The following TRIM66 variants were observed in gnomAD, a reference collection of about 807,000 sequenced individuals.
TRIM66 encodes the protein tripartite motif containing 66.
TRIM66 carries 99 observed loss-of-function variants against 148.2 expected under a neutral mutation model. That is an observed-to-expected ratio of 0.67 (90% CI 0.57 to 0.79). The LOEUF is 0.79. Ranked by LOEUF, TRIM66 falls within the 30% of genes least tolerant of loss-of-function variation. The probability of loss-of-function intolerance (pLI) is 0.00; values close to 1 mark genes in which losing one functional copy is unlikely to be tolerated. For synonymous variants in TRIM66, 616 were observed against 635.9 expected, an observed-to-expected ratio of 0.97 and a Z score of 0.47; for missense variants, 1,666 against 1,697.9, an observed-to-expected ratio of 0.98 and a Z score of 0.33.
At chr11:8,666,341 G>GAAAAAAA (rs558326812) in intron 6 of TRIM66, among the ~76,000 whole-genome samples, 6 of 23,554 alleles carry the variant, frequency 2.5e-4, no homozygotes, top group Non-Finnish European at 4.0e-4. Flanking sequence ...CTCCGCCTCA[G>GAAAAAAA]AAAAAAAAAA....
At position 8,666,741 on chromosome 11, in the gene TRIM66, C is replaced by T. The variant is rs1592193076; in HGVS notation, c.340+5045G>A. On this transcript the variant is annotated intron_variant, in intron 6 of 24. Transcript: ENST00000646038. Reference sequence around the variant, plus strand: ...ACTCAGATGGCCAAATATACTGACACCAAAGCTTTTGTTTTTATTCTTCAT... The same window carrying T: ...ACTCAGATGGCCAAATATACTGACATCAAAGCTTTTGTTTTTATTCTTCAT... Among the ~76,000 whole-genome samples the T allele has an allele frequency of 6.6e-5, 10 of 152,292 alleles. No homozygotes were observed. In the South Asian group the frequency reaches 2.1e-3, roughly 32 times the overall value.
chr11:8,654,499 C>G (rs556881029), intron 6 of TRIM66: 9 of 152,344 alleles, frequency 5.9e-5, no homozygotes, highest in African/African-American at 1.9e-4. Flanking sequence ...ATTAGTCCCT[C>G]TTCTGGGTTC....
chr11:8,622,734 C>T (rs1237382821), intron 18 of TRIM66, 82 bp downstream of exon 18: 7 of 1,297,656 alleles, frequency 5.4e-6, no homozygotes, highest in African/African-American at 1.5e-5. Context: ...GTAGTTAATT[C>T]ATCAAGGATG....
Position 8,640,609 on chromosome 11 carries a change from A to C in TRIM66, c.1766T>G (p.Leu589Arg), listed in dbSNP as rs1300429380. Residue 589 changes from leucine to arginine, a missense_variant, in exon 14 of 25, where the codon CTG becomes CGG. By Grantham distance (102) the Leu-to-Arg change is moderately radical (BLOSUM62 -2). Transcript: ENST00000646038. Reference sequence around the variant, plus strand: ...CTGCTGCTGAAAGTGACTGAGCTTCAGCTTCTGGTGGTGGCCAAACTGGAC... The same window carrying C: ...CTGCTGCTGAAAGTGACTGAGCTTCCGCTTCTGGTGGTGGCCAAACTGGAC... ...IQVQFGHHQK[L>R]KLSHFQQQPQ... 6.4e-7 allele frequency: 1 copy of C among 1,551,386 alleles called. No individual in the cohort carries two copies. Among genetic ancestry groups the C allele is most frequent in the South Asian group, 1.2e-5 (1 of 84,038 alleles).
Position 8,622,365 on chromosome 11 carries a change from C to CACACACACATATATATATATATATATAT in TRIM66, c.3080+450_3080+451insATATATATATATATATATATGTGTGTGT. ...ACACACACACACACACACACACACA[C>CACACACACATATATATATATATATATAT]ATATATATATATATATATCTCCTAC... is the stretch of plus-strand genomic sequence containing the variant. On this transcript the variant is annotated intron_variant, in intron 18 of 24. Transcript: ENST00000646038. 3.1e-3 allele frequency among the ~76,000 whole-genome samples: 185 copies of CACACACACATATATATATATATATATAT among 59,490 alleles called. 1 individual carries two copies. Among genetic ancestry groups the CACACACACATATATATATATATATATAT allele is most frequent in the East Asian group, 6.0e-3 (17 of 2,812 alleles). The allele number at this position is 59,490 out of a possible 152,430, so 39.0% of individuals were successfully genotyped here.
intron 15 of TRIM66, among the ~76,000 whole-genome samples, chr11:8,632,078 C>T (rs958847070): frequency 4.6e-5 from 7 of 152,042 alleles, no homozygotes; most frequent in Admixed American, 2.0e-4. Flanking sequence ...GTGAATGCGC[C>T]GGGCATATCA....
intron 13 of TRIM66, among the ~76,000 whole-genome samples, chr11:8,642,443 C>T (rs1329310268): frequency 1.3e-5 from 2 of 152,194 alleles, no homozygotes; most frequent in Non-Finnish European, 2.9e-5. Context: ...TCAACACAGG[C>T]ACAACTTCAA....
rs1592097551 is a variant in TRIM66, at chr11:8,640,566, T to C, written c.1809A>G (p.Pro603=). ...HFQQQPQQQL[P]PPPPPLPHPP... Reference sequence around the variant, plus strand: ...GATGGGGGAGGGGTGGTGGTGGAGGTGGTAGCTGCTGCTGTGGCTGCTGCT... The same window carrying C: ...GATGGGGGAGGGGTGGTGGTGGAGGCGGTAGCTGCTGCTGTGGCTGCTGCT... The change falls in exon 14 of 25, where the codon CCA becomes CCG. Residue 603 remains proline (P), a synonymous_variant. Transcript: ENST00000646038. 1 of 1,544,404 alleles carries C rather than the reference T, an allele frequency of 6.5e-7. No individual in the cohort carries two copies. The highest frequency in any genetic ancestry group is 1.4e-5 in the African/African-American group (1 of 71,446).
At chr11:8,646,262 G>A (rs970355426) in intron 11 of TRIM66, among the ~76,000 whole-genome samples, 185 bp downstream of exon 11, 1 of 152,288 alleles carries the variant, frequency 6.6e-6, no homozygotes, top group African/African-American at 2.4e-5. Flanking sequence ...AGTTTGAACT[G>A]ATTTTCTAGC....
chr11:8,644,904 T>C (rs535039676), intron 12 of TRIM66, among the ~76,000 whole-genome samples: 1 of 152,338 alleles, frequency 6.6e-6, no homozygotes, highest in East Asian at 1.9e-4. Flanking sequence ...CCATGCAGCA[T>C]TGTCAAATGG....
intron 15 of TRIM66, among the ~76,000 whole-genome samples, chr11:8,633,539 G>C (rs2035608974): frequency 6.6e-6 from 1 of 152,138 alleles, no homozygotes; most frequent in African/African-American, 2.4e-5. Context: ...GGAGTGTTTG[G>C]CCTGACTCTT....
intron 12 of TRIM66, chr11:8,644,425 ACCT>A (rs1378384717): frequency 2.2e-6 from 1 of 452,566 alleles, no homozygotes; most frequent in Admixed American, 2.4e-5. Context: ...TCTTATTATC[ACCT>A]CCTATTTCAC....
chr11:8,613,709 T>C lies in TRIM66; in HGVS notation c.*4235A>G, dbSNP rs377398539. On this transcript the variant is annotated 3_prime_UTR_variant, in exon 25 of 25. Coordinates refer to ENST00000646038, the MANE Select transcript of TRIM66 (RefSeq NM_001388022.1). ...AGGACATACAACAGGATTCAAGATA[T>C]AGAGAATTAAATAGGAGCAAGAATG... The C allele has an allele frequency of 2.0e-5, 3 of 151,892 alleles. No individual in the cohort carries two copies. The highest frequency in any genetic ancestry group is 1.9e-4 in the East Asian group (1 of 5,148). The allele number at this position is 151,892 out of a possible 1,614,324, so 9.4% of individuals were successfully genotyped here. A position where few individuals can be genotyped will look rare whatever the true frequency, so the allele number is the denominator to read the frequency against.
intron 22 of TRIM66, 27 bp downstream of exon 22, chr11:8,620,023 G>A (rs1375482434): frequency 3.9e-6 from 6 of 1,546,184 alleles, no homozygotes; most frequent in Non-Finnish European, 3.5e-6. Flanking sequence ...CAAGGAGAAG[G>A]TGAGAGAACA....
intron 15 of TRIM66, among the ~76,000 whole-genome samples, chr11:8,628,537 C>A (rs968101253): frequency 6.8e-6 from 1 of 146,080 alleles, no homozygotes; most frequent in African/African-American, 2.5e-5. Context: ...TGCTTGAGCC[C>A]GGAAGGTTGA....
chr11:8,621,415 A>C (rs2034202128), intron 19 of TRIM66, 94 bp from the exon 20 acceptor site: 1 of 1,435,508 alleles, frequency 7.0e-7, no homozygotes, highest in African/African-American at 1.4e-5. Context: ...GCATGCCTAC[A>C]TGAGAGCCAC....
At chr11:8,631,541 A>T (rs1412955044) in intron 15 of TRIM66, among the ~76,000 whole-genome samples, 1 of 152,208 alleles carries the variant, frequency 6.6e-6, no homozygotes, top group Non-Finnish European at 1.5e-5. Context: ...ATTTGGATGA[A>T]CCAATAAGTA....
chr11:8,622,406 A>G (rs995392102), intron 18 of TRIM66, among the ~76,000 whole-genome samples: 1 of 137,494 alleles, frequency 7.3e-6, no homozygotes, highest in Non-Finnish European at 1.6e-5. Context: ...CTGTGCCTCT[A>G]GAGAACCCTG....
In TRIM66 at chr11:8,617,903, T is replaced by A. The variant is rs1211737496; in HGVS notation, c.*41A>T. ...AGATGGGGAGGAATGGTCGACAGTA[T>A]GGGACAACAGCTGCCAGAGTGCCCA... On this transcript the variant is annotated 3_prime_UTR_variant, in exon 25 of 25. Coordinates refer to ENST00000646038, the MANE Select transcript of TRIM66 (RefSeq NM_001388022.1). 1.3e-6 allele frequency: 2 copies of A among 1,545,008 alleles called. No homozygotes were observed. The highest frequency in any genetic ancestry group is 1.8e-6 in the Non-Finnish European group (2 of 1,140,874).
Sources: gnomAD v4.1 joint callset for allele counts (sites outside exome capture counted in the v4.1 genomes callset) on GRCh38, gnomAD v4.1.1 for gene constraint, MANE v1.5 for transcripts, NCBI Gene and HGNC (gene_info 2026-07-23, HGNC 2026-07-21) for gene names.